Variants in PEAK1 observed in about 807,000 individuals in gnomAD.
PEAK1 encodes the protein pseudopodium enriched atypical kinase 1, also known as inactive tyrosine-protein kinase PEAK1.
A neutral mutation model predicts 124.7 loss-of-function variants in PEAK1; 54 were observed. That is an observed-to-expected ratio of 0.43 (90% CI 0.35 to 0.54). The LOEUF is 0.54. PEAK1 is among the 20% of genes least tolerant of loss of function. PEAK1 has a pLI of 0.01. For missense variants in PEAK1, 2,046 were observed against 2,134.5 expected (o/e 0.96, Z 0.82); for synonymous variants, 719 against 760.0 (o/e 0.95, Z 0.89).
intron 2 of PEAK1, among the ~76,000 whole-genome samples, chr15:77,331,914 C>A (rs1816831854): frequency 6.6e-6 from 1 of 152,056 alleles, no homozygotes; most frequent in East Asian, 2.0e-4. Flanking sequence ...CTGTGCCCAG[C>A]ACTCTGAATG....
chr15:77,172,681 T>C (rs1038096990), intron 7 of PEAK1, among the ~76,000 whole-genome samples: 1 of 152,210 alleles, frequency 6.6e-6, no homozygotes, highest in Non-Finnish European at 1.5e-5. Flanking sequence ...AGAAGTATTC[T>C]ACGTGTACTT....
chr15:77,156,273 G>C (rs868028071), intron 8 of PEAK1: 1 of 153,810 alleles, frequency 6.5e-6, no homozygotes, highest in South Asian at 2.1e-4. Flanking sequence ...CAATCAGTGA[G>C]ACTCCGTGAG....
chr15:77,133,716 C>T lies in PEAK1; in HGVS notation c.3366G>A (p.Gln1122=), dbSNP rs767903643. ...QSRAAMIPPK[Q]PRQPKGAVDD... The stretch of plus-strand genomic sequence containing the variant: ...CCACAGCTCCCTTGGGCTGTCGTGG[C>T]TGCTTGGGAGGTATCATGGCTGCTC... The change falls in exon 9 of 10, where the codon CAG becomes CAA. Residue 1122 remains glutamine (Q), a synonymous_variant. Transcript: ENST00000682557. This position sits in a 1 kb window ranked among gnomAD's most constrained non-coding sequence, Gnocchi z 4.2. 4 of 1,611,492 alleles carry T rather than the reference C, an allele frequency of 2.5e-6. No homozygotes were observed. The South Asian group carries it at 3.3e-5, about 13-fold the overall frequency.
intron 2 of PEAK1, among the ~76,000 whole-genome samples, chr15:77,322,003 A>T (rs533088915): frequency 6.6e-6 from 1 of 152,228 alleles, no homozygotes; most frequent in Non-Finnish European, 1.5e-5. Context: ...CTACATGGAA[A>T]CGGAACAACC....
At chr15:77,157,486 G>A (rs2055257509) in intron 8 of PEAK1, 1 of 152,246 alleles carries the variant, frequency 6.6e-6, no homozygotes, top group Non-Finnish European at 1.5e-5. Context: ...AGGAAGACGA[G>A]TGAAGATGAT....
At chr15:77,283,730 A>G (rs933087214) in intron 5 of PEAK1, 153 bp downstream of exon 5, 1 of 205,586 alleles carries the variant, frequency 4.9e-6, no homozygotes, top group African/African-American at 2.4e-5. Context: ...ACTTTATTAT[A>G]AAGTATGATT....
intron 6 of PEAK1, among the ~76,000 whole-genome samples, chr15:77,248,708 C>T (rs918396361): frequency 1.3e-5 from 2 of 152,130 alleles, no homozygotes; most frequent in African/African-American, 2.4e-5. Flanking sequence ...TGTTTTCAAG[C>T]CACCCAGTTT....
chr15:77,163,096 T>C (rs914423781), intron 7 of PEAK1, among the ~76,000 whole-genome samples: 1 of 152,138 alleles, frequency 6.6e-6, no homozygotes, highest in Non-Finnish European at 1.5e-5. Flanking sequence ...GATCTTCAGG[T>C]TGGGTCAAAC....
chr15:77,402,184 G>C, intron 1 of PEAK1: 1 of 948,778 alleles, frequency 1.1e-6, no homozygotes, highest in Non-Finnish European at 1.2e-6. Context: ...AAAAAAAAAG[G>C]GACCAGATTT....
intron 2 of PEAK1, among the ~76,000 whole-genome samples, chr15:77,341,290 A>G (rs1462587092): frequency 1.3e-5 from 2 of 152,114 alleles, no homozygotes; most frequent in Admixed American, 1.3e-4. Flanking sequence ...ATCTGAGGTC[A>G]GGAGTTTGAG....
chr15:77,126,766 G>A (rs1466593010), intron 9 of PEAK1, among the ~76,000 whole-genome samples: 1 of 152,182 alleles, frequency 6.6e-6, no homozygotes, highest in Non-Finnish European at 1.5e-5. Flanking sequence ...CAGGTCAGCT[G>A]ACTCCAAAGC....
chr15:77,313,569 C>T (rs1459081978), intron 2 of PEAK1, among the ~76,000 whole-genome samples: 2 of 150,788 alleles, frequency 1.3e-5, no homozygotes, highest in Non-Finnish European at 3.0e-5. Context: ...TGGGTTCAAG[C>T]GATTCTCCTG....
intron 6 of PEAK1, among the ~76,000 whole-genome samples, chr15:77,209,348 T>C (rs1280291917): frequency 6.6e-6 from 1 of 151,972 alleles, no homozygotes; most frequent in Non-Finnish European, 1.5e-5. Flanking sequence ...CCTGGGCTTA[T>C]TTCTTTATCC....
intron 2 of PEAK1, chr15:77,336,293 T>C: frequency 1.0e-6 from 1 of 985,416 alleles, no homozygotes; most frequent in Non-Finnish European, 1.2e-6. Flanking sequence ...ACTGTCCACA[T>C]GGCTGGTAGG....
At chr15:77,410,074 TG>T (rs1347124257) in intron 1 of PEAK1, among the ~76,000 whole-genome samples, 7 of 116,398 alleles carry the variant, frequency 6.0e-5, no homozygotes, top group South Asian at 5.0e-4. Flanking sequence ...TGTGTGTGTG[TG>T]TTTTTTTTTT....
chr15:77,176,282 A>G (rs938914549), intron 7 of PEAK1, among the ~76,000 whole-genome samples: 3 of 151,520 alleles, frequency 2.0e-5, no homozygotes, highest in African/African-American at 7.3e-5. Flanking sequence ...GAAAAGAAAA[A>G]AAAAAAGAAA....
intron 5 of PEAK1, among the ~76,000 whole-genome samples, chr15:77,252,877 GATTCT>G (rs917212509): frequency 6.6e-6 from 1 of 152,106 alleles, no homozygotes; most frequent in African/African-American, 2.4e-5. Flanking sequence ...ATAAAAATAT[GATTCT>G]AAGGGCCACA....
Position 77,227,968 on chromosome 15 carries a change from C to T in PEAK1, c.-115+24399G>A, listed in dbSNP as rs1027768315. 2.6e-5 allele frequency among the ~76,000 whole-genome samples: 4 copies of T among 151,934 alleles called. No homozygotes were observed. The East Asian group carries it at 7.7e-4, about 29-fold the overall frequency. ...GTATGATCACATCACTGCGCTCCAG[C>T]CTGGGAGATACAGTGAGACACTGTC... On this transcript the variant is annotated intron_variant, in intron 6 of 9. Coordinates refer to ENST00000682557, the MANE Select transcript of PEAK1 (RefSeq NM_001385026.1).
intron 6 of PEAK1, among the ~76,000 whole-genome samples, chr15:77,187,089 T>C (rs2152828723): frequency 6.6e-6 from 1 of 152,346 alleles, no homozygotes; most frequent in East Asian, 1.9e-4. Flanking sequence ...CCAAATGGAA[T>C]GTTTGATAAG....
Sources: gnomAD v4.1 joint callset for allele counts (sites outside exome capture counted in the v4.1 genomes callset) on GRCh38, gnomAD v4.1.1 for gene constraint, Gnocchi (gnomAD v3.1) non-coding constraint, MANE v1.5 for transcripts, NCBI Gene and HGNC (gene_info 2026-07-23, HGNC 2026-07-21) for gene names.